Variants in ATP11A observed in about 807,000 individuals in gnomAD.
The protein encoded by ATP11A is ATPase phospholipid transporting 11A.
ATP11A carries 81 observed loss-of-function variants against 154.4 expected under a neutral mutation model. The observed-to-expected ratio is 0.52, with a 90% CI of 0.44 to 0.63. The LOEUF (loss-of-function observed/expected upper bound fraction) is 0.63. Ranked by LOEUF, ATP11A falls within the 30% of genes least tolerant of loss-of-function variation. ATP11A has a pLI of 0.00. For synonymous variants in ATP11A, 623 were observed against 585.9 expected, an observed-to-expected ratio of 1.06 and a Z score of -0.91; for missense variants, 1,316 against 1,474.3, an observed-to-expected ratio of 0.89 and a Z score of 1.76.
At chr13:112,779,641 C>T (rs2077450339) in intron 1 of ATP11A, among the ~76,000 whole-genome samples, 1 of 152,128 alleles carries the variant, frequency 6.6e-6, no homozygotes, top group Non-Finnish European at 1.5e-5. Flanking sequence ...CTGCCAGGCG[C>T]AGTGGCTCAC....
At chr13:112,831,241 G>T in intron 12 of ATP11A, 134 bp from the exon 13 acceptor site, 1 of 988,444 alleles carries the variant, frequency 1.0e-6, no homozygotes. Flanking sequence ...TCTGTCTGGG[G>T]GAAAGCCTTT....
chr13:112,705,384 T>C lies in ATP11A; in HGVS notation c.39+14929T>C, dbSNP rs531245893. On this transcript the variant is annotated intron_variant, in intron 1 of 29. Transcript: ENST00000375645. ...TGATGTCCTCAGCACGCGGGGGTGC[T>C]CAGCAGTTGATGTTCATCCCGCACG... Among the ~76,000 whole-genome samples the C allele has an allele frequency of 8.3e-4, 126 of 152,322 alleles. 1 individual carries two copies. The highest frequency in any genetic ancestry group is 2.4e-3 in the Admixed American group (36 of 15,298).
intron 1 of ATP11A, among the ~76,000 whole-genome samples, chr13:112,769,874 G>A (rs1053308889): frequency 2.0e-5 from 3 of 152,206 alleles, no homozygotes; most frequent in African/African-American, 4.8e-5. Context: ...GCCATCCCAC[G>A]CGGCTGTAAA....
At chr13:112,782,459 T>G (rs960778061) in intron 1 of ATP11A, among the ~76,000 whole-genome samples, 4 of 152,266 alleles carry the variant, frequency 2.6e-5, no homozygotes, top group African/African-American at 9.6e-5. Context: ...ACTTATATTC[T>G]TATTCAGTGC....
intron 1 of ATP11A, among the ~76,000 whole-genome samples, chr13:112,713,696 G>A (rs1888028914): frequency 1.3e-5 from 2 of 152,266 alleles, no homozygotes; most frequent in South Asian, 4.1e-4. Context: ...TTTGCGGGAA[G>A]ATCACATTCT....
rs541525108 is a variant in ATP11A, at chr13:112,786,929, G to A, written c.162+1672G>A. Among the ~76,000 whole-genome samples, 23 of 151,062 alleles carry A rather than the reference G, an allele frequency of 1.5e-4. No individual in the cohort carries two copies. In the East Asian group the frequency reaches 3.5e-3, roughly 23 times the overall value. On this transcript the variant is annotated intron_variant, in intron 2 of 29. Transcript: ENST00000375645. ...ACTTAATTCACACCGGTGTCCTGAC[G>A]TGTAGACCCCTGTGGAGACCTACTT...
chr13:112,768,871 C>T (rs991555947), intron 1 of ATP11A, among the ~76,000 whole-genome samples: 6 of 152,204 alleles, frequency 3.9e-5, no homozygotes, highest in African/African-American at 1.4e-4. Flanking sequence ...GCCCGGTCCT[C>T]AGGGCGGAGT....
At position 112,855,846 on chromosome 13, in the gene ATP11A, TAC is replaced by T. The variant is rs569125748; in HGVS notation, c.2244-63_2244-62del. The T allele has an allele frequency of 1.8e-5, 26 of 1,450,280 alleles. No individual in the cohort carries two copies. In the African/African-American group the frequency reaches 2.8e-4, roughly 16 times the overall value. 89.8% of individuals were successfully genotyped at this position (1,450,280 alleles called of 1,614,324 possible). A position where few individuals can be genotyped will look rare whatever the true frequency, so the allele number is the denominator to read the frequency against. ...AGCATCTGTCGATATCCAAAAACAA[TAC>T]AGTCTTCTAAAATCTATAGATTTAG... On this transcript the variant is annotated intron_variant, in intron 19 of 29. Transcript: ENST00000375645.
intron 1 of ATP11A, among the ~76,000 whole-genome samples, chr13:112,710,979 A>ACCCG (rs1392490903): frequency 5.5e-5 from 2 of 36,610 alleles, no homozygotes; most frequent in African/African-American, 9.1e-5. Context: ...CCACCCACCC[A>ACCCG]CCCACCGCTG....
intron 11 of ATP11A, 67 bp downstream of exon 11, chr13:112,825,647 G>A (rs1164805086): frequency 1.3e-6 from 2 of 1,505,450 alleles, no homozygotes; most frequent in Admixed American, 2.2e-5. Context: ...AAAATGTGGT[G>A]CAAGAAAAAG....
intron 2 of ATP11A, among the ~76,000 whole-genome samples, chr13:112,798,906 A>G (rs1398531518): frequency 6.6e-6 from 1 of 152,260 alleles, no homozygotes; most frequent in African/African-American, 2.4e-5. Context: ...AGACCTAACC[A>G]TATGTTGTGT....
Position 112,807,413 on chromosome 13 carries a change from G to A in ATP11A, c.333+1120G>A, listed in dbSNP as rs909109486. ...GACTCGGGCAACCTGGTGTCCCTCC[G>A]TAAGGAAATGGACAGCTCCGCCGCG... is the stretch of plus-strand genomic sequence containing the variant. On this transcript the variant is annotated intron_variant, in intron 4 of 29. Coordinates refer to ENST00000375645, the MANE Select transcript of ATP11A (RefSeq NM_015205.3). The surrounding 1 kb of genome is among the most constrained non-coding windows in gnomAD (Gnocchi z 4.5). Among the ~76,000 whole-genome samples the A allele has an allele frequency of 2.0e-5, 3 of 152,340 alleles. No homozygotes were observed. The highest frequency in any genetic ancestry group is 4.8e-5 in the African/African-American group (2 of 41,576).
At position 112,857,809 on chromosome 13, in the gene ATP11A, C is replaced by G; in HGVS notation, c.2419-9C>G. 1 of 1,608,452 alleles carries G rather than the reference C, an allele frequency of 6.2e-7. No homozygotes were observed. The highest frequency in any genetic ancestry group is 1.1e-5 in the South Asian group (1 of 90,946). On this transcript the variant is annotated splice_polypyrimidine_tract_variant and intron_variant, in intron 20 of 29. Transcript: ENST00000375645. ...GAGAAGATAAATTCCGCATTTCTTT[C>G]TTTTGCAGATTGTTAAATTAATCAA...
At chr13:112,835,671 G>A (rs777581204) in intron 15 of ATP11A, among the ~76,000 whole-genome samples, 2 of 152,274 alleles carry the variant, frequency 1.3e-5, no homozygotes, top group Admixed American at 1.3e-4. Context: ...AGGCTGAGGG[G>A]CAGCAGCGGG....
At chr13:112,822,950 T>C (rs1224183093) in intron 8 of ATP11A, among the ~76,000 whole-genome samples, 1 of 152,042 alleles carries the variant, frequency 6.6e-6, no homozygotes, top group African/African-American at 2.4e-5. Flanking sequence ...TCCTGACTAG[T>C]GTGATGGTTC....
At chr13:112,879,285 T>C (rs1236401347) in intron 29 of ATP11A, among the ~76,000 whole-genome samples, 8 of 152,264 alleles carry the variant, frequency 5.3e-5, no homozygotes, top group African/African-American at 1.9e-4. Flanking sequence ...AAACAGGATT[T>C]TTAACTGACA....
rs538643668 is a variant in ATP11A at position 112,882,133 on chromosome 13, G to A, written c.*267G>A. On this transcript the variant is annotated 3_prime_UTR_variant, in exon 30 of 30. Coordinates refer to ENST00000375645, the MANE Select transcript of ATP11A (RefSeq NM_015205.3). This position sits in a 1 kb window ranked among gnomAD's most constrained non-coding sequence, Gnocchi z 5.1. ...TGGCCCCCAGCAGGCAAGGAGGGGG[G>A]TCACAGGCCTTGCCCTCGAGCATGG... 1.5e-6 allele frequency: 2 copies of A among 1,327,490 alleles called. No individual in the cohort carries two copies. Among genetic ancestry groups the A allele is most frequent in the East Asian group, 9.3e-5 (2 of 21,566 alleles). 82.2% of individuals were successfully genotyped at this position (1,327,490 alleles called of 1,614,324 possible).
intron 1 of ATP11A, among the ~76,000 whole-genome samples, chr13:112,707,635 C>T (rs889636336): frequency 6.6e-6 from 1 of 152,038 alleles, no homozygotes; most frequent in Non-Finnish European, 1.5e-5. Flanking sequence ...TGAAAAAGCT[C>T]GGTAAGTGGG....
intron 1 of ATP11A, among the ~76,000 whole-genome samples, chr13:112,739,932 G>A (rs868454830): frequency 6.6e-6 from 1 of 152,086 alleles, no homozygotes; most frequent in Non-Finnish European, 1.5e-5. Context: ...TGGCAAATTT[G>A]TAGGGACAGA....
Sources: gnomAD v4.1 joint callset for allele counts (sites outside exome capture counted in the v4.1 genomes callset) on GRCh38, gnomAD v4.1.1 for gene constraint, Gnocchi (gnomAD v3.1) non-coding constraint, MANE v1.5 for transcripts, NCBI Gene and HGNC (gene_info 2026-07-23, HGNC 2026-07-21) for gene names.